Variants in SCAPER observed in about 807,000 individuals in gnomAD.
SCAPER encodes S phase cyclin A-associated protein in the endoplasmic reticulum.
A neutral mutation model predicts 182.2 loss-of-function variants in SCAPER; 98 were observed. The observed-to-expected ratio is 0.54, with a 90% CI of 0.46 to 0.64. The LOEUF (loss-of-function observed/expected upper bound fraction) is 0.64. SCAPER is among the 30% of genes least tolerant of loss of function. The pLI is 0.00. For synonymous variants in SCAPER, 605 were observed against 564.6 expected (o/e 1.07, Z -1.01); for missense variants, 1,432 against 1,690.0 (o/e 0.85, Z 2.68).
intron 29 of SCAPER, among the ~76,000 whole-genome samples, chr15:76,362,569 T>C (rs2469557): frequency 0.97 from 147,739 of 152,080 alleles, 71,899 homozygotes; most frequent in South Asian, 1. Context: ...GGTGCCACCA[T>C]GCCCGGCTAA....
chr15:76,815,980 A>T (rs1482457544), intron 5 of SCAPER, among the ~76,000 whole-genome samples: 1 of 152,198 alleles, frequency 6.6e-6, no homozygotes, highest in Non-Finnish European at 1.5e-5. Flanking sequence ...TACAGTAAAA[A>T]TACGTTGCAA....
chr15:76,880,625 G>A (rs997636123), intron 2 of SCAPER, among the ~76,000 whole-genome samples: 2 of 151,830 alleles, frequency 1.3e-5, no homozygotes, highest in Non-Finnish European at 1.5e-5. Context: ...TATCTTACCT[G>A]CTAGAGTTTT....
At chr15:76,542,531 A>AAAAT (rs949270227) in intron 23 of SCAPER, among the ~76,000 whole-genome samples, 2 of 151,072 alleles carry the variant, frequency 1.3e-5, no homozygotes, top group East Asian at 1.9e-4. Flanking sequence ...CTCCATCTCA[A>AAAAT]AAATAAATAA....
At chr15:76,875,833 G>C (rs1199071332) in intron 2 of SCAPER, among the ~76,000 whole-genome samples, 1 of 152,234 alleles carries the variant, frequency 6.6e-6, no homozygotes, top group Non-Finnish European at 1.5e-5. Context: ...GACCCAAAGA[G>C]TGAGCAGCAG....
intron 2 of SCAPER, among the ~76,000 whole-genome samples, chr15:76,873,315 AAGGAAGGAAGGAAGGAAGGC>A (rs1431599636): frequency 9.8e-5 from 12 of 122,216 alleles, no homozygotes; most frequent in South Asian, 3.3e-4. Context: ...GGAAGGAAGG[AAGGAAGGAAGGAAGGAAGGC>A]AGGCAGGCAG....
intron 29 of SCAPER, among the ~76,000 whole-genome samples, chr15:76,357,464 G>C (rs2041068303): frequency 6.6e-6 from 1 of 152,178 alleles, no homozygotes; most frequent in African/African-American, 2.4e-5. Context: ...AATAACAGAT[G>C]TTGGCGAGGA....
At chr15:76,764,230 T>A (rs2062972320) in intron 14 of SCAPER, among the ~76,000 whole-genome samples, 1 of 152,234 alleles carries the variant, frequency 6.6e-6, no homozygotes, top group African/African-American at 2.4e-5. Flanking sequence ...TTGGTTTATA[T>A]GTATGCATTG....
In SCAPER at chr15:76,800,307, T is replaced by C; in HGVS notation, c.552A>G (p.Pro184=). The stretch of plus-strand genomic sequence containing the variant: ...CATTTATTCTATCTGTTGATGGACT[T>C]GGAATCACATGGCGTCCCGGAGACA... ...KKMSPGRHVI[P]SPSTDRINVT... is the part of the protein sequence containing the mutation. The change falls in exon 7 of 32, where the codon CCA becomes CCG. Residue 184 remains proline, a synonymous_variant. Coordinates refer to ENST00000563290, the MANE Select transcript of SCAPER (RefSeq NM_020843.4). The C allele has an allele frequency of 6.2e-7, 1 of 1,613,584 alleles. No individual in the cohort carries two copies. Among genetic ancestry groups the C allele is most frequent in the South Asian group, 1.1e-5 (1 of 91,012 alleles).
chr15:76,499,693 T>C (rs1465468135), intron 24 of SCAPER, among the ~76,000 whole-genome samples: 1 of 152,130 alleles, frequency 6.6e-6, no homozygotes, highest in African/African-American at 2.4e-5. Flanking sequence ...TCTAACCCAT[T>C]TGATATTTTT....
chr15:76,472,213 A>G, intron 24 of SCAPER: 3 of 527,174 alleles, frequency 5.7e-6, no homozygotes, highest in Non-Finnish European at 1.1e-5. Context: ...CCAGAGCCCA[A>G]CCCTAAAAAG....
At chr15:76,802,586 C>A (rs2065876470) in intron 6 of SCAPER, among the ~76,000 whole-genome samples, 1 of 152,180 alleles carries the variant, frequency 6.6e-6, no homozygotes, top group Non-Finnish European at 1.5e-5. Context: ...TTAAAAGGAT[C>A]AACCTATCTT....
chr15:76,759,117 TGGTAAAA>T (rs1178569012), intron 14 of SCAPER, among the ~76,000 whole-genome samples: 8 of 152,156 alleles, frequency 5.3e-5, no homozygotes, highest in Admixed American at 5.2e-4. Context: ...TGGAGAGAAA[TGGTAAAA>T]GTGGGCATAC....
chr15:76,835,933 CA>C (rs35242954), intron 5 of SCAPER, among the ~76,000 whole-genome samples: 15,430 of 94,266 alleles, frequency 0.16, 668 homozygotes, highest in African/African-American at 0.25. Flanking sequence ...ACATTAGCCA[CA>C]AAAAAAAAAA....
intron 30 of SCAPER, 102 bp from the exon 31 acceptor site, chr15:76,351,390 A>G (rs1167149617): frequency 3.0e-6 from 3 of 1,005,234 alleles, no homozygotes; most frequent in Non-Finnish European, 4.2e-6. Flanking sequence ...CCACTTTTGT[A>G]TGAATATTTT....
At chr15:76,423,365 G>A (rs2046188708) in intron 26 of SCAPER, among the ~76,000 whole-genome samples, 1 of 152,122 alleles carries the variant, frequency 6.6e-6, no homozygotes, top group Non-Finnish European at 1.5e-5. Flanking sequence ...TATGTGTCCA[G>A]GAATTTATCC....
chr15:76,842,317 T>A (rs2069558007), intron 4 of SCAPER, among the ~76,000 whole-genome samples: 1 of 152,112 alleles, frequency 6.6e-6, no homozygotes, highest in Non-Finnish European at 1.5e-5. Flanking sequence ...ATCTCCATAA[T>A]CCCCACGTGT....
chr15:76,577,765 A>G (rs1394482977), intron 22 of SCAPER, among the ~76,000 whole-genome samples: 1 of 152,048 alleles, frequency 6.6e-6, no homozygotes, highest in Non-Finnish European at 1.5e-5. Context: ...GATGGGATAC[A>G]GCCCATTCCC....
intron 24 of SCAPER, among the ~76,000 whole-genome samples, chr15:76,504,198 T>C (rs991838105): frequency 6.6e-6 from 1 of 152,094 alleles, no homozygotes; most frequent in African/African-American, 2.4e-5. Flanking sequence ...TAAATGAACT[T>C]TTATTAAAAC....
chr15:76,458,602 T>C (rs771809789), intron 25 of SCAPER, among the ~76,000 whole-genome samples: 3 of 152,208 alleles, frequency 2.0e-5, no homozygotes, highest in Non-Finnish European at 4.4e-5. Context: ...TTTGGTCATG[T>C]GTAATGATCA....
Sources: allele counts gnomAD v4.1 joint callset (sites outside exome capture counted in the v4.1 genomes callset), GRCh38; gene constraint gnomAD v4.1.1; transcripts MANE v1.5; gene names NCBI Gene and HGNC (gene_info 2026-07-23, HGNC 2026-07-21).